The following LGALS9 variants were observed in gnomAD, a reference collection of about 807,000 sequenced individuals.
The protein encoded by LGALS9 is galectin-9.
In LGALS9, 26 loss-of-function variants were observed where a neutral mutation model predicts 35.9. That is an observed-to-expected ratio of 0.72 (90% confidence interval 0.53 to 1.01). The LOEUF (loss-of-function observed/expected upper bound fraction) is 1.01. Ranked by LOEUF, LGALS9 falls within the 50% of genes least tolerant of loss-of-function variation. The probability of loss-of-function intolerance (pLI) is 0.00; values close to 1 mark genes in which losing one functional copy is unlikely to be tolerated. For synonymous variants in LGALS9, 149 were observed against 172.2 expected, an observed-to-expected ratio of 0.87 and a Z score of 1.06; for missense variants, 347 against 445.8, an observed-to-expected ratio of 0.78 and a Z score of 1.99.
At chr17:27,647,579 T>C (rs1028692446) in intron 10 of LGALS9, 147 bp downstream of exon 10, 3 of 1,168,968 alleles carry the variant, frequency 2.6e-6, no homozygotes, top group Non-Finnish European at 3.6e-6. Flanking sequence ...CAACAAATTA[T>C]TATTATTATT....
intron 10 of LGALS9, 91 bp downstream of exon 10, chr17:27,647,523 G>A: frequency 1.3e-6 from 2 of 1,525,308 alleles, no homozygotes; most frequent in Non-Finnish European, 1.8e-6. Flanking sequence ...GAACAGTATG[G>A]GGGCTGATTC....
At chr17:27,632,516 G>C (rs1405483014) in intron 1 of LGALS9, among the ~76,000 whole-genome samples, 1 of 152,216 alleles carries the variant, frequency 6.6e-6, no homozygotes, top group Non-Finnish European at 1.5e-5. Context: ...GGCCCCTGAG[G>C]TAGGACCTGC....
chr17:27,635,647 G>T (rs2074441456), intron 1 of LGALS9, among the ~76,000 whole-genome samples: 1 of 151,920 alleles, frequency 6.6e-6, no homozygotes. Context: ...ATTAAGCCTT[G>T]TGTGTACTTG....
chr17:27,631,442 A>C, intron 1 of LGALS9, 138 bp downstream of exon 1: 2 of 1,175,256 alleles, frequency 1.7e-6, no homozygotes, highest in Non-Finnish European at 2.5e-6. Context: ...CAGAAATATC[A>C]GAGGAGGTCA....
At chr17:27,644,648 G>A (rs1904794454) in intron 5 of LGALS9, 1 of 152,694 alleles carries the variant, frequency 6.5e-6, no homozygotes, top group Admixed American at 6.5e-5. Flanking sequence ...TCTTCTTATG[G>A]CTCATCACCG....
chr17:27,636,338 T>C (rs2074450972), intron 1 of LGALS9, among the ~76,000 whole-genome samples: 1 of 152,240 alleles, frequency 6.6e-6, no homozygotes, highest in Admixed American at 6.5e-5. Context: ...GCTCCAACAA[T>C]GATCAACTCA....
intron 4 of LGALS9, 141 bp downstream of exon 4, chr17:27,642,489 A>C (rs3107065): frequency 6.7e-6 from 8 of 1,193,824 alleles, no homozygotes; most frequent in Non-Finnish European, 9.3e-6. Flanking sequence ...CTGTCCCAGT[A>C]CCTGCCCGCC....
intron 1 of LGALS9, among the ~76,000 whole-genome samples, chr17:27,637,232 T>TG (rs2074462269): frequency 6.6e-6 from 1 of 151,988 alleles, no homozygotes; most frequent in Admixed American, 6.6e-5. Context: ...GAGATGAAGG[T>TG]GGGGGGTGGG....
At position 27,640,465 on chromosome 17, in the gene LGALS9, G is replaced by A. The variant is rs888093529; in HGVS notation, c.132-107G>A. On this transcript the variant is annotated intron_variant, in intron 2 of 10. Coordinates refer to ENST00000395473, the MANE Select transcript of LGALS9 (RefSeq NM_009587.3). ...CAAAGCAGTCTCTGCCATACAGGTT[G>A]TGTGCAAGATCCAGACAAATGCAAA... 22 of 1,490,436 alleles carry A rather than the reference G, an allele frequency of 1.5e-5. No homozygotes were observed. In the African/African-American group the frequency reaches 2.8e-4, roughly 19 times the overall value. The allele number at this position is 1,490,436 out of a possible 1,614,324, so 92.3% of individuals were successfully genotyped here.
At chr17:27,631,602 G>A (rs1301704380) in intron 1 of LGALS9, among the ~76,000 whole-genome samples, 1 of 152,144 alleles carries the variant, frequency 6.6e-6, no homozygotes, top group East Asian at 1.9e-4. Context: ...GGTGGTTCAT[G>A]TAAAGAGGAA....
rs990678167 is a variant in LGALS9 at position 27,640,920 on chromosome 17, C to T, written c.333+147C>T. ...CGCTCATTTCCTTGTGAGGTGTTAC[C>T]CATGGCTGCCTAGTCTCCTTATGCA... is the stretch of plus-strand genomic sequence containing the variant. On this transcript the variant is annotated intron_variant, in intron 3 of 10. Coordinates refer to ENST00000395473, the MANE Select transcript of LGALS9 (RefSeq NM_009587.3). 3.2e-6 allele frequency: 4 copies of T among 1,260,156 alleles called. No individual in the cohort carries two copies. The African/African-American group carries it at 4.5e-5, about 14-fold the overall frequency. 78.1% of individuals were successfully genotyped at this position (1,260,156 alleles called of 1,614,324 possible). A position where few individuals can be genotyped will look rare whatever the true frequency, so the allele number is the denominator to read the frequency against.
At chr17:27,642,667 T>C (rs1300928175) in intron 4 of LGALS9, among the ~76,000 whole-genome samples, 2 of 151,996 alleles carry the variant, frequency 1.3e-5, no homozygotes, top group Non-Finnish European at 2.9e-5. Context: ...AGAACCAAAC[T>C]GAATCCAGTT....
intron 1 of LGALS9, among the ~76,000 whole-genome samples, chr17:27,634,168 C>T (rs1161487243): frequency 1.3e-5 from 2 of 152,194 alleles, no homozygotes; most frequent in African/African-American, 4.8e-5. Flanking sequence ...TCTGGAGGCC[C>T]CAGGGGAAAA....
intron 7 of LGALS9, among the ~76,000 whole-genome samples, 191 bp from the exon 8 acceptor site, chr17:27,646,356 G>A (rs1230283964): frequency 5.9e-5 from 9 of 152,174 alleles, no homozygotes; most frequent in African/African-American, 7.2e-5. Context: ...ACCGTGGTGT[G>A]GTCTGGGAAC....
At chr17:27,640,339 G>GTT in intron 2 of LGALS9, 1 of 628,968 alleles carries the variant, frequency 1.6e-6, no homozygotes, top group Non-Finnish European at 2.8e-6. Context: ...TTCCTTAACC[G>GTT]TTTTCTATTT....
chr17:27,634,544 C>A (rs1369834388), intron 1 of LGALS9, among the ~76,000 whole-genome samples: 1 of 152,028 alleles, frequency 6.6e-6, no homozygotes, highest in Non-Finnish European at 1.5e-5. Context: ...AGAATGAGAT[C>A]CTGTCTCAAA....
intron 8 of LGALS9, 48 bp downstream of exon 8, chr17:27,646,636 G>GCCC (rs1904969781): frequency 6.2e-7 from 1 of 1,612,870 alleles, no homozygotes; most frequent in Non-Finnish European, 8.5e-7. Flanking sequence ...TGGTGGGCAG[G>GCCC]CTGGGGGTGA....
chr17:27,635,478 A>ATAAATAAATAAG (rs1160854908), intron 1 of LGALS9, among the ~76,000 whole-genome samples: 4 of 149,788 alleles, frequency 2.7e-5, no homozygotes, highest in African/African-American at 1.0e-4. Flanking sequence ...AAATAAATAA[A>ATAAATAAATAAG]TAAATAAATA....
At chr17:27,640,060 T>C (rs892286160) in intron 2 of LGALS9, among the ~76,000 whole-genome samples, 6 of 152,006 alleles carry the variant, frequency 3.9e-5, no homozygotes, top group African/African-American at 1.4e-4. Context: ...TAACTAGAGA[T>C]GAGCTCTCAC....
Sources: allele counts gnomAD v4.1 joint callset (sites outside exome capture counted in the v4.1 genomes callset), GRCh38; gene constraint gnomAD v4.1.1; transcripts MANE v1.5; gene names NCBI Gene and HGNC (gene_info 2026-07-23, HGNC 2026-07-21).